SNX24: variants seen among roughly 807,000 people sequenced by gnomAD.
SNX24 encodes sorting nexin-24.
Under a neutral mutation model 28.7 loss-of-function variants are expected in SNX24, and 22 were observed. The observed-to-expected ratio is 0.77, with a 90% CI of 0.55 to 1.10. The LOEUF is 1.10. Among genes scored for constraint, SNX24 ranks in the 50% least tolerant of loss-of-function variants. SNX24 has a pLI of 0.00. For synonymous variants in SNX24, 69 were observed against 71.5 expected, an observed-to-expected ratio of 0.96 and a Z score of 0.18; for missense variants, 221 against 201.1, an observed-to-expected ratio of 1.10 and a Z score of -0.60.
intron 1 of SNX24, among the ~76,000 whole-genome samples, chr5:122,922,250 T>G (rs1459402181): frequency 1.3e-5 from 2 of 151,810 alleles, no homozygotes; most frequent in African/African-American, 2.4e-5. Context: ...TTTTGTGGGG[T>G]TTTTGTTTGT....
chr5:122,849,577 A>G (rs1457413213), intron 1 of SNX24, among the ~76,000 whole-genome samples: 1 of 151,528 alleles, frequency 6.6e-6, no homozygotes, highest in Non-Finnish European at 1.5e-5. Context: ...CCATTTTAAA[A>G]CTCAGATATG....
At chr5:123,010,913 C>CT (rs969212941), downstream of SNX24, among the ~76,000 whole-genome samples, 10 of 150,862 alleles carry the variant, frequency 6.6e-5, no homozygotes, top group African/African-American at 9.7e-5. Flanking sequence ...GTGCTATTCT[C>CT]TTTTTAAAAA....
At chr5:122,882,153 G>C (rs1016069489) in intron 1 of SNX24, among the ~76,000 whole-genome samples, 1 of 152,038 alleles carries the variant, frequency 6.6e-6, no homozygotes, top group African/African-American at 2.4e-5. Flanking sequence ...GTCTGACTCT[G>C]TTGCCCAGGC....
chr5:122,847,631 C>G (rs923830939), intron 1 of SNX24, among the ~76,000 whole-genome samples: 1 of 151,734 alleles, frequency 6.6e-6, no homozygotes, highest in African/African-American at 2.4e-5. Flanking sequence ...GTAGCTGGGA[C>G]TACAGGCACA....
intron 1 of SNX24, among the ~76,000 whole-genome samples, chr5:122,873,770 T>C (rs553836786): frequency 6.7e-6 from 1 of 148,718 alleles, no homozygotes; most frequent in South Asian, 2.2e-4. Flanking sequence ...CTTTTTTTTT[T>C]TTTTTTTTTT....
intron 1 of SNX24, among the ~76,000 whole-genome samples, chr5:122,850,629 G>T (rs1754868512): frequency 6.6e-6 from 1 of 152,126 alleles, no homozygotes; most frequent in Non-Finnish European, 1.5e-5. Context: ...TACCGTGGGT[G>T]CAGGTACCAG....
At chr5:122,969,803 C>T (rs1195320117) in intron 3 of SNX24, among the ~76,000 whole-genome samples, 1 of 152,120 alleles carries the variant, frequency 6.6e-6, no homozygotes, top group Non-Finnish European at 1.5e-5. Flanking sequence ...TTATATTCCA[C>T]ATCCATTACC....
chr5:122,954,249 G>C (rs943447290), intron 3 of SNX24, among the ~76,000 whole-genome samples: 9 of 151,630 alleles, frequency 5.9e-5, no homozygotes, highest in Non-Finnish European at 1.3e-4. Flanking sequence ...TCAGTGTTAA[G>C]TATTCTGTTT....
intron 1 of SNX24, among the ~76,000 whole-genome samples, chr5:122,856,694 T>G (rs1442000856): frequency 6.6e-6 from 1 of 151,944 alleles, no homozygotes; most frequent in Non-Finnish European, 1.5e-5. Flanking sequence ...TTTTGCATTT[T>G]TAGTAGAGAT....
At position 122,946,140 on chromosome 5, in the gene SNX24, G is replaced by A. The variant is rs779082426; in HGVS notation, c.230G>A (p.Gly77Asp). 7 of 1,603,378 alleles carry A rather than the reference G, an allele frequency of 4.4e-6. No homozygotes were observed. Among genetic ancestry groups the A allele is most frequent in the Non-Finnish European group, 1.7e-6 (2 of 1,171,144 alleles). Residue 77 changes from glycine (G) to aspartate (D), a missense_variant, in exon 3 of 7, where the codon GGC becomes GAC. Physicochemically the swap from Gly to Asp is moderately conservative, Grantham distance 94. Transcript: ENST00000261369. ...AAAGTCTTGGAACAGCGACGACAAG[G>A]CTTGGAAACATACTTACAGGTAAGA... ...VPKVLEQRRQ[G>D]LETYLQAVIL...
intron 1 of SNX24, among the ~76,000 whole-genome samples, chr5:122,917,401 G>A (rs553598783): frequency 3.9e-5 from 6 of 152,238 alleles, no homozygotes; most frequent in Admixed American, 6.5e-5. Flanking sequence ...TTCTTAAAAT[G>A]TGGCATCCAA....
At chr5:122,846,044 T>C (rs1432437903) in intron 1 of SNX24, among the ~76,000 whole-genome samples, 9 of 151,880 alleles carry the variant, frequency 5.9e-5, no homozygotes, top group African/African-American at 2.2e-4. Flanking sequence ...GTCCAGACAG[T>C]AGTAGCTTCG....
At chr5:122,855,359 C>T (rs1049279362) in intron 1 of SNX24, among the ~76,000 whole-genome samples, 2 of 152,198 alleles carry the variant, frequency 1.3e-5, no homozygotes, top group Admixed American at 1.3e-4. Flanking sequence ...TGAGCCACCA[C>T]GCCCAGCCGA....
chr5:122,977,856 C>T (rs1264532241), intron 3 of SNX24, among the ~76,000 whole-genome samples: 2 of 152,138 alleles, frequency 1.3e-5, no homozygotes, highest in East Asian at 3.8e-4. Context: ...AGGAATATCA[C>T]AAGGAAATTA....
At chr5:123,016,075 G>A (rs1044987680) in intron 5 of SNX24, among the ~76,000 whole-genome samples, 1 of 152,042 alleles carries the variant, frequency 6.6e-6, no homozygotes, top group African/African-American at 2.4e-5. Context: ...CTAAAACCTT[G>A]GTATCTTTCC....
At chr5:122,863,407 G>A (rs1053274317) in intron 1 of SNX24, among the ~76,000 whole-genome samples, 3 of 152,012 alleles carry the variant, frequency 2.0e-5, no homozygotes, top group South Asian at 2.1e-4. Context: ...AAAATAGAGA[G>A]TGATAAGAGA....
At chr5:122,870,969 C>T (rs1755949607) in intron 1 of SNX24, among the ~76,000 whole-genome samples, 1 of 152,192 alleles carries the variant, frequency 6.6e-6, no homozygotes, top group South Asian at 2.1e-4. Context: ...GAGAGCTTTA[C>T]AAACTACTGA....
At chr5:122,895,285 C>A (rs1206334539) in intron 1 of SNX24, among the ~76,000 whole-genome samples, 1 of 151,978 alleles carries the variant, frequency 6.6e-6, no homozygotes, top group East Asian at 1.9e-4. Flanking sequence ...TTAGGTTTTC[C>A]ATGATTAACT....
chr5:122,989,599 G>C (rs1353239803), intron 3 of SNX24, among the ~76,000 whole-genome samples: 1 of 152,092 alleles, frequency 6.6e-6, no homozygotes, highest in Non-Finnish European at 1.5e-5. Flanking sequence ...ATTAGTTTTT[G>C]ATATTGCTCT....
Sources: gnomAD v4.1 joint callset for allele counts (sites outside exome capture counted in the v4.1 genomes callset) on GRCh38, gnomAD v4.1.1 for gene constraint, MANE v1.5 for transcripts, NCBI Gene and HGNC (gene_info 2026-07-23, HGNC 2026-07-21) for gene names.